The following DLGAP3 variants were observed in gnomAD, a reference collection of about 807,000 sequenced individuals.
The protein encoded by DLGAP3 is disks large-associated protein 3.
In DLGAP3, 17 loss-of-function variants were observed where a neutral mutation model predicts 81.2. The observed-to-expected ratio is 0.21, with a 90% CI of 0.14 to 0.31. The LOEUF (loss-of-function observed/expected upper bound fraction) is 0.31, where lower values mean the gene tolerates loss of function less well. Among genes scored for constraint, DLGAP3 ranks in the 10% least tolerant of loss-of-function variants. The probability of loss-of-function intolerance (pLI) is 1.00; values close to 1 mark genes in which losing one functional copy is unlikely to be tolerated. For synonymous variants in DLGAP3, 577 were observed against 587.4 expected, an observed-to-expected ratio of 0.98 and a Z score of 0.26; for missense variants, 1,124 against 1,388.0, an observed-to-expected ratio of 0.81 and a Z score of 3.02.
chr1:34,910,156 C>T (rs1000256522), intron 1 of DLGAP3, among the ~76,000 whole-genome samples: 9 of 152,296 alleles, frequency 5.9e-5, no homozygotes, highest in Non-Finnish European at 8.8e-5. Context: ...CTGGCATCAT[C>T]GGGCCATGGA....
chr1:34,918,706 GGA>G (rs1639756628), intron 1 of DLGAP3, among the ~76,000 whole-genome samples: 1 of 152,218 alleles, frequency 6.6e-6, no homozygotes, highest in Admixed American at 6.5e-5. Flanking sequence ...TGAGGGGTAA[GGA>G]GAGAGGGAGA....
chr1:34,899,540 TC>T, intron 5 of DLGAP3, 128 bp downstream of exon 5: 1 of 858,154 alleles, frequency 1.2e-6, no homozygotes, highest in East Asian at 2.4e-5. Context: ...AAGGCAGGTT[TC>T]CCAGTTTCCC....
chr1:34,905,523 G>A lies in DLGAP3; in HGVS notation c.-51-89C>T, dbSNP rs557591941. On this transcript the variant is annotated intron_variant, in intron 2 of 11. Coordinates refer to ENST00000373347, the MANE Select transcript of DLGAP3 (RefSeq NM_001080418.3). ...ATTAGGCATCCTTGTATCCCTTTAG[G>A]TAATACATATCAATTTATTATGATT... 1,594 of 873,746 alleles carry A rather than the reference G, an allele frequency of 1.8e-3. 3 individuals are homozygous for A. The highest frequency in any genetic ancestry group is 4.9e-3 in the Middle Eastern group (14 of 2,844). The allele number at this position is 873,746 out of a possible 1,614,324, so 54.1% of individuals were successfully genotyped here.
chr1:34,883,413 A>AC (rs1183735534), intron 8 of DLGAP3, among the ~76,000 whole-genome samples: 1 of 151,828 alleles, frequency 6.6e-6, no homozygotes, highest in Non-Finnish European at 1.5e-5. Context: ...GGGAACCCCC[A>AC]CCCCCCTGGA....
At chr1:34,917,925 G>A (rs2148419040) in intron 1 of DLGAP3, among the ~76,000 whole-genome samples, 1 of 152,292 alleles carries the variant, frequency 6.6e-6, no homozygotes. Context: ...TGCCTGTGAT[G>A]GATGGAATTA....
intron 1 of DLGAP3, among the ~76,000 whole-genome samples, chr1:34,918,370 G>A (rs1274079677): frequency 6.6e-6 from 1 of 152,188 alleles, no homozygotes; most frequent in African/African-American, 2.4e-5. Context: ...CAGACAAGGG[G>A]GTCTGCTCAA....
chr1:34,910,202 T>C (rs926157750), intron 1 of DLGAP3, among the ~76,000 whole-genome samples: 2 of 152,202 alleles, frequency 1.3e-5, no homozygotes, highest in Non-Finnish European at 2.9e-5. Flanking sequence ...CAGGTCTACA[T>C]GTGATAAGGA....
rs116044062 is a variant in DLGAP3 at position 34,905,801 on chromosome 1, C to T, written c.-51-367G>A. On this transcript the variant is annotated intron_variant, in intron 2 of 11. Coordinates refer to ENST00000373347, the MANE Select transcript of DLGAP3 (RefSeq NM_001080418.3). ...GGAGGATCACTTGAGCCCAGCAGTT[C>T]GAGATCAACCTGGGCAACCAAGCAA... Among the ~76,000 whole-genome samples the T allele has an allele frequency of 6.6e-5, 10 of 151,634 alleles. No homozygotes were observed. The South Asian group carries it at 1.7e-3, about 25-fold the overall frequency.
At chr1:34,891,143 C>G (rs962155252) in intron 5 of DLGAP3, among the ~76,000 whole-genome samples, 3 of 152,184 alleles carry the variant, frequency 2.0e-5, no homozygotes, top group Non-Finnish European at 4.4e-5. Flanking sequence ...AGACATACAA[C>G]AAAGAAACAT....
chr1:34,914,483 G>A (rs1415715659), intron 1 of DLGAP3, among the ~76,000 whole-genome samples: 4 of 152,172 alleles, frequency 2.6e-5, no homozygotes, highest in East Asian at 1.9e-4. Flanking sequence ...TAGGACCCTC[G>A]TTAGGGGCAG....
intron 8 of DLGAP3, among the ~76,000 whole-genome samples, chr1:34,877,344 G>A (rs918263681): frequency 6.6e-6 from 1 of 152,176 alleles, no homozygotes; most frequent in Admixed American, 6.5e-5. Context: ...CTGGGAAATC[G>A]GAACATGAAG....
At chr1:34,898,500 T>C (rs1327759277) in intron 5 of DLGAP3, among the ~76,000 whole-genome samples, 1 of 152,212 alleles carries the variant, frequency 6.6e-6, no homozygotes, top group African/African-American at 2.4e-5. Flanking sequence ...CCAATCAGAT[T>C]TCCTGGTTCA....
chr1:34,915,290 T>G (rs1044033417), intron 1 of DLGAP3, among the ~76,000 whole-genome samples: 3 of 152,214 alleles, frequency 2.0e-5, no homozygotes, highest in Non-Finnish European at 4.4e-5. Flanking sequence ...TGTTGGCTTC[T>G]TTTGACTTTA....
chr1:34,892,778 T>C (rs532723831), intron 5 of DLGAP3, among the ~76,000 whole-genome samples: 29 of 152,272 alleles, frequency 1.9e-4, no homozygotes, highest in African/African-American at 7.0e-4. Flanking sequence ...TTCACACAAA[T>C]TACAGTCAAA....
In DLGAP3 at chr1:34,873,444, T is replaced by TAA. The variant is rs1188767899; in HGVS notation, c.2001-4356_2001-4355insTT. Among the ~76,000 whole-genome samples the TAA allele has an allele frequency of 1.4e-4, 22 of 152,190 alleles. No individual in the cohort carries two copies. Among genetic ancestry groups the TAA allele is most frequent in the Admixed American group, 1.4e-3 (22 of 15,280 alleles). On this transcript the variant is annotated intron_variant, in intron 8 of 11. Coordinates refer to ENST00000373347, the MANE Select transcript of DLGAP3 (RefSeq NM_001080418.3). The surrounding 1 kb of genome is among the most constrained non-coding windows in gnomAD (Gnocchi z 4.2). ...GGGTCCAAAACCCAGCTCGGTGGCT[T>TAA]GTGCCTCATTTTCCCATCTGTAAAT...
rs754237871 is a variant in DLGAP3 at position 34,868,843 on chromosome 1, C to G, written c.2247G>C (p.Pro749=). The G allele has an allele frequency of 6.3e-7, 1 of 1,581,086 alleles. No individual in the cohort carries two copies. Among genetic ancestry groups the G allele is most frequent in the South Asian group, 1.1e-5 (1 of 89,152 alleles). The stretch of plus-strand genomic sequence containing the variant: ...GGCCGGGCGACCCATCGGTGGCCGG[C>G]GGCTCGTACGGCAGTGGGTAGCCCT... ...YREGYPLPYE[P]PATDGSPGPA... is the part of the protein sequence containing the mutation. Residue 749 remains proline (P), a synonymous_variant, in exon 9 of 12, where the codon CCG becomes CCC. Transcript: ENST00000373347. The surrounding 1 kb of genome is among the most constrained non-coding windows in gnomAD (Gnocchi z 7.5).
rs1471022287 is a variant in DLGAP3, at chr1:34,902,251, A to G, written c.1108-1978T>C. Among the ~76,000 whole-genome samples the G allele has an allele frequency of 1.3e-5, 2 of 152,154 alleles. No homozygotes were observed. Among genetic ancestry groups the G allele is most frequent in the Non-Finnish European group, 2.9e-5 (2 of 68,022 alleles). ...GGAGCTCCAAAAGGGGTAACGCCTC[A>G]GGGACAGCATAGGGTTCAGGGGAAA... On this transcript the variant is annotated intron_variant, in intron 3 of 11. Coordinates refer to ENST00000373347, the MANE Select transcript of DLGAP3 (RefSeq NM_001080418.3). The surrounding 1 kb of genome is among the most constrained non-coding windows in gnomAD (Gnocchi z 4.4).
chr1:34,914,084 G>A (rs796617549), intron 1 of DLGAP3, among the ~76,000 whole-genome samples: 93 of 152,238 alleles, frequency 6.1e-4, no homozygotes, highest in African/African-American at 1.3e-3. Flanking sequence ...AGCAGGGTTC[G>A]GGGTCTACCA....
Position 34,867,313 on chromosome 1 carries a change from G to A in DLGAP3, c.2578-122C>T, listed in dbSNP as rs1365643771. ...GCTCAGCCTGGGAGAGTGGGTGGGG[G>A]CTGGGAGACAGGGGGACAAGAGCGA... On this transcript the variant is annotated intron_variant, in intron 10 of 11. Transcript: ENST00000373347. This position sits in a 1 kb window ranked among gnomAD's most constrained non-coding sequence, Gnocchi z 4.3. 18 of 1,442,402 alleles carry A rather than the reference G, an allele frequency of 1.2e-5. No individual in the cohort carries two copies. The highest frequency in any genetic ancestry group is 1.5e-5 in the Non-Finnish European group (16 of 1,033,386). 89.4% of individuals were successfully genotyped at this position (1,442,402 alleles called of 1,614,324 possible).
Sources: allele counts gnomAD v4.1 joint callset (sites outside exome capture counted in the v4.1 genomes callset), GRCh38; gene constraint gnomAD v4.1.1; non-coding constraint Gnocchi (gnomAD v3.1); transcripts MANE v1.5; gene names NCBI Gene and HGNC (gene_info 2026-07-23, HGNC 2026-07-21).